SLC30A10: variants seen among roughly 807,000 people sequenced by gnomAD.
The protein encoded by SLC30A10 is calcium/manganese antiporter SLC30A10.
In SLC30A10, 8 loss-of-function variants were observed where a neutral mutation model predicts 21.7. That is an observed-to-expected ratio of 0.37 (90% confidence interval 0.22 to 0.67). The LOEUF is 0.67. Ranked by LOEUF, SLC30A10 falls within the 30% of genes least tolerant of loss-of-function variation. The pLI, the probability that SLC30A10 is intolerant of heterozygous loss-of-function variation, is 0.58. For missense variants in SLC30A10, 521 were observed against 642.5 expected (o/e 0.81, Z 2.04); for synonymous variants, 272 against 279.4 (o/e 0.97, Z 0.26).
intron 1 of SLC30A10, among the ~76,000 whole-genome samples, chr1:219,938,033 T>C (rs1370580132): frequency 6.6e-6 from 1 of 152,222 alleles, no homozygotes; most frequent in Non-Finnish European, 1.5e-5. Flanking sequence ...TTTTCTTCAA[T>C]GTATTTTTTC....
In SLC30A10 at chr1:219,928,389, T is replaced by G. The variant is rs760650144; in HGVS notation, c.52A>C (p.Thr18Pro). 6.2e-7 allele frequency: 1 copy of G among 1,613,328 alleles called. No individual in the cohort carries two copies. Among genetic ancestry groups the G allele is most frequent in the Non-Finnish European group, 8.5e-7 (1 of 1,179,680 alleles). Residue 18 changes from threonine to proline, a missense_variant, in exon 1 of 4, where the codon ACC becomes CCC. By Grantham distance (38) the Thr-to-Pro change is conservative. Coordinates refer to ENST00000366926, the MANE Select transcript of SLC30A10 (RefSeq NM_018713.3). The surrounding 1 kb of genome is among the most constrained non-coding windows in gnomAD (Gnocchi z 6.3). ...AGCTCCGCCACGAAGAAGGCGACGG[T>G]GAGCACCAGCATGAAGAGCAGCCGG... ...TCRLLFMLVL[T>P]VAFFVAELVS...
chr1:219,949,740 TA>T (rs908556251), intron 1 of SLC30A10, among the ~76,000 whole-genome samples: 1 of 150,346 alleles, frequency 6.7e-6, no homozygotes, highest in Non-Finnish European at 1.5e-5. Context: ...CCCTAAAACT[TA>T]AAGTATAATA....
chr1:219,941,024 A>G (rs1660113929), intron 1 of SLC30A10, among the ~76,000 whole-genome samples: 1 of 152,234 alleles, frequency 6.6e-6, no homozygotes, highest in South Asian at 2.1e-4. Flanking sequence ...AGAAAGTCCA[A>G]TGAAAATGCC....
chr1:219,911,482 C>G lies in SLC30A10; in HGVS notation c.*3967G>C, dbSNP rs939446294. Among the ~76,000 whole-genome samples, 3 of 151,920 alleles carry G rather than the reference C, an allele frequency of 2.0e-5. No homozygotes were observed. The highest frequency in any genetic ancestry group is 4.4e-5 in the Non-Finnish European group (3 of 68,008). ...CTATCCAGTCTCATTGGATAGTGGG[C>G]TCATCAAATTGAGGATATTCAGGAG... On this transcript the variant is annotated 3_prime_UTR_variant, in exon 4 of 4. Coordinates refer to ENST00000366926, the MANE Select transcript of SLC30A10 (RefSeq NM_018713.3).
chr1:219,936,408 A>T (rs1472491799), intron 1 of SLC30A10, among the ~76,000 whole-genome samples: 1 of 152,216 alleles, frequency 6.6e-6, no homozygotes, highest in Non-Finnish European at 1.5e-5. Flanking sequence ...GGTCAGCTTA[A>T]GCTTCAGATT....
chr1:219,948,105 TAA>T (rs1169145830), intron 1 of SLC30A10, among the ~76,000 whole-genome samples: 1 of 151,344 alleles, frequency 6.6e-6, no homozygotes, highest in African/African-American at 2.4e-5. Flanking sequence ...CTCAATGAAA[TAA>T]AAGAGGATAC....
intron 2 of SLC30A10, among the ~76,000 whole-genome samples, chr1:219,919,986 T>C (rs979668334): frequency 6.6e-6 from 1 of 152,162 alleles, no homozygotes; most frequent in East Asian, 1.9e-4. Context: ...GGTGCTTTAA[T>C]TGAGCTAATT....
rs780025919 is a variant in SLC30A10 at position 219,918,557 on chromosome 1, A to G, written c.719-63T>C. The G allele has an allele frequency of 3.3e-6, 5 of 1,515,856 alleles. No homozygotes were observed. Among genetic ancestry groups the G allele is most frequent in the Non-Finnish European group, 4.4e-6 (5 of 1,132,798 alleles). 93.9% of individuals were successfully genotyped at this position (1,515,856 alleles called of 1,614,324 possible). On this transcript the variant is annotated intron_variant, in intron 2 of 3. Coordinates refer to ENST00000366926, the MANE Select transcript of SLC30A10 (RefSeq NM_018713.3). The surrounding 1 kb of genome is among the most constrained non-coding windows in gnomAD (Gnocchi z 4.4). ...TCTGGAAGCCACGTGACACTCACTG[A>G]CTTGGGTGTCCGGGTATATGAATAT...
In SLC30A10 at chr1:219,915,458, C is replaced by G. The variant is rs148203711; in HGVS notation, c.1449G>C (p.Thr483=). 6.2e-6 allele frequency: 10 copies of G among 1,612,976 alleles called. No individual in the cohort carries two copies. Among genetic ancestry groups the G allele is most frequent in the Non-Finnish European group, 8.5e-6 (10 of 1,179,454 alleles). Residue 483 remains threonine, a synonymous_variant, in exon 4 of 4, where the codon ACG becomes ACC. Coordinates refer to ENST00000366926, the MANE Select transcript of SLC30A10 (RefSeq NM_018713.3). ...TTATGTGAGTACCAGATTAAAAATG[C>G]GTTCTGTTGACATAACATTGGTCCT... ...TQEDQCYVNR[T]HF
chr1:219,931,345 A>T (rs1370427300), upstream of SLC30A10, among the ~76,000 whole-genome samples: 1 of 152,144 alleles, frequency 6.6e-6, no homozygotes, highest in African/African-American at 2.4e-5. Flanking sequence ...TGCCTGGGGG[A>T]CCCATTCCTG....
upstream of SLC30A10, among the ~76,000 whole-genome samples, chr1:219,931,297 T>G (rs1659966416): frequency 6.6e-6 from 1 of 152,134 alleles, no homozygotes; most frequent in South Asian, 2.1e-4. Flanking sequence ...AGCCAGTGGC[T>G]GAGGAAGCTG....
intron 2 of SLC30A10, among the ~76,000 whole-genome samples, chr1:219,922,188 T>TG (rs1558252127): frequency 0.038 from 509 of 13,356 alleles, 16 homozygotes; most frequent in Non-Finnish European, 0.052. Context: ...TTTTTTTTTT[T>TG]TTTTTTTTTT....
intron 1 of SLC30A10, among the ~76,000 whole-genome samples, 153 bp downstream of exon 1, chr1:219,927,638 TAAAAAAAAAA>T (rs77015523): frequency 0.027 from 1,423 of 53,428 alleles, 58 homozygotes; most frequent in African/African-American, 0.074. Context: ...ATGGATTTAT[TAAAAAAAAAA>T]AAAAAAAAAA....
chr1:219,957,050 T>C (rs986954562), intron 1 of SLC30A10, among the ~76,000 whole-genome samples: 6 of 152,202 alleles, frequency 3.9e-5, no homozygotes, highest in African/African-American at 1.4e-4. Context: ...TATATATTTG[T>C]CTTATATGAA....
chr1:219,925,651 A>ATATATATATATATATATATATATATT (rs1317554458), intron 2 of SLC30A10, among the ~76,000 whole-genome samples: 7 of 48,278 alleles, frequency 1.4e-4, no homozygotes, highest in African/African-American at 7.0e-4. Flanking sequence ...ATATATATAT[A>ATATATATATATATATATATATATATT]TTTTTTTTTT....
At chr1:219,945,795 A>G (rs1313673554) in intron 1 of SLC30A10, among the ~76,000 whole-genome samples, 1 of 152,236 alleles carries the variant, frequency 6.6e-6, no homozygotes, top group Non-Finnish European at 1.5e-5. Context: ...ACTGAAGAAC[A>G]TCAAAGACAA....
intron 1 of SLC30A10, among the ~76,000 whole-genome samples, chr1:219,941,408 G>A (rs1156671380): frequency 2.6e-5 from 4 of 152,218 alleles, no homozygotes; most frequent in African/African-American, 9.6e-5. Context: ...ACAGCAGTGA[G>A]TATAGATGGT....
intron 1 of SLC30A10, among the ~76,000 whole-genome samples, chr1:219,947,686 C>T (rs910880348): frequency 6.6e-6 from 1 of 152,024 alleles, no homozygotes; most frequent in Non-Finnish European, 1.5e-5. Flanking sequence ...GGTGTGGTGG[C>T]TCACACCTGT....
Position 219,911,536 on chromosome 1 carries a change from C to T in SLC30A10, c.*3913G>A, listed in dbSNP as rs72740967. ...AAGAGATCAGCACAGAAGAGTGAGACCAAATGCTTTTTCTTCATTTCATTT... is the reference window on the plus strand; with the variant it reads ...AAGAGATCAGCACAGAAGAGTGAGATCAAATGCTTTTTCTTCATTTCATTT... On this transcript the variant is annotated 3_prime_UTR_variant, in exon 4 of 4. Transcript: ENST00000366926. Among the ~76,000 whole-genome samples, 43,462 of 151,776 alleles carry T rather than the reference C, an allele frequency of 0.29. 6,666 individuals are homozygous for T. The highest frequency in any genetic ancestry group is 0.4 in the East Asian group (2,031 of 5,140).
Sources: gnomAD v4.1 joint callset for allele counts (sites outside exome capture counted in the v4.1 genomes callset) on GRCh38, gnomAD v4.1.1 for gene constraint, Gnocchi (gnomAD v3.1) non-coding constraint, MANE v1.5 for transcripts, NCBI Gene and HGNC (gene_info 2026-07-23, HGNC 2026-07-21) for gene names.